The following DLGAP1 variants were observed in gnomAD, a reference collection of about 807,000 sequenced individuals.
The protein encoded by DLGAP1 is DLG associated protein 1, also known as disks large-associated protein 1.
Under a neutral mutation model 90.8 loss-of-function variants are expected in DLGAP1, and 11 were observed. That is an observed-to-expected ratio of 0.12 (90% CI 0.08 to 0.20). The LOEUF is 0.20. Among genes scored for constraint, DLGAP1 ranks in the 10% least tolerant of loss-of-function variants. DLGAP1 has a pLI of 1.00. For synonymous variants in DLGAP1, 558 were observed against 540.7 expected, an observed-to-expected ratio of 1.03 and a Z score of -0.44; for missense variants, 1,050 against 1,333.8, an observed-to-expected ratio of 0.79 and a Z score of 3.31.
intron 12 of DLGAP1, chr18:3,502,119 G>A (rs964257958): frequency 2.9e-6 from 3 of 1,051,496 alleles, no homozygotes; most frequent in Non-Finnish European, 2.3e-6. Flanking sequence ...ACATCCTAGG[G>A]GTGTAAGGAA....
At chr18:4,385,466 T>C (rs185074518) in intron 1 of DLGAP1, among the ~76,000 whole-genome samples, 3 of 150,952 alleles carry the variant, frequency 2.0e-5, no homozygotes, top group Admixed American at 1.3e-4. Flanking sequence ...CACAATACTT[T>C]CATTTTTTTT....
At chr18:3,609,208 C>T (rs1026350136) in intron 7 of DLGAP1, among the ~76,000 whole-genome samples, 1 of 152,074 alleles carries the variant, frequency 6.6e-6, no homozygotes, top group Non-Finnish European at 1.5e-5. Context: ...CACAACCAGC[C>T]AATTTTTAAA....
At chr18:3,764,072 T>G (rs2064101965) in intron 5 of DLGAP1, among the ~76,000 whole-genome samples, 1 of 152,188 alleles carries the variant, frequency 6.6e-6, no homozygotes. Context: ...ATTTACTGAG[T>G]GCGTTACATG....
At chr18:3,817,372 C>T (rs985544198) in intron 4 of DLGAP1, among the ~76,000 whole-genome samples, 1 of 152,120 alleles carries the variant, frequency 6.6e-6, no homozygotes, top group Admixed American at 6.6e-5. Flanking sequence ...ACCTGTGTAT[C>T]TTTCAATTAA....
At chr18:4,067,825 C>A (rs2075391405) in intron 2 of DLGAP1, among the ~76,000 whole-genome samples, 1 of 152,044 alleles carries the variant, frequency 6.6e-6, no homozygotes, top group Non-Finnish European at 1.5e-5. Context: ...GTTGTCCCCC[C>A]TTTCCTGACC....
chr18:3,601,272 G>A (rs1018459615), intron 7 of DLGAP1, among the ~76,000 whole-genome samples: 1 of 151,840 alleles, frequency 6.6e-6, no homozygotes, highest in Non-Finnish European at 1.5e-5. Context: ...TTTTAGTAGA[G>A]ATGGGGTTTC....
intron 7 of DLGAP1, among the ~76,000 whole-genome samples, chr18:3,667,637 A>G (rs1282199408): frequency 2.6e-5 from 4 of 152,146 alleles, no homozygotes; most frequent in Admixed American, 6.5e-5. Context: ...TGCGGTTTCT[A>G]CCTGGCCTCA....
At chr18:4,102,553 C>T (rs1266420635) in intron 2 of DLGAP1, among the ~76,000 whole-genome samples, 1 of 152,236 alleles carries the variant, frequency 6.6e-6, no homozygotes, top group East Asian at 1.9e-4. Flanking sequence ...ATGGAGCAGA[C>T]AAAAGGCAGA....
At chr18:3,695,525 T>C (rs929034869) in intron 7 of DLGAP1, among the ~76,000 whole-genome samples, 3 of 152,186 alleles carry the variant, frequency 2.0e-5, no homozygotes, top group Non-Finnish European at 4.4e-5. Flanking sequence ...ATGTGTGGCA[T>C]TATTTCTGAG....
chr18:4,359,118 C>G (rs1056059264), intron 1 of DLGAP1, among the ~76,000 whole-genome samples: 1 of 152,168 alleles, frequency 6.6e-6, no homozygotes, highest in African/African-American at 2.4e-5. Flanking sequence ...TATTTAGGGA[C>G]TGAATTACAG....
intron 7 of DLGAP1, among the ~76,000 whole-genome samples, chr18:3,587,955 A>AT (rs973604130): frequency 9.8e-5 from 15 of 152,294 alleles, no homozygotes; most frequent in Non-Finnish European, 1.5e-4. Flanking sequence ...ATGATGCTGT[A>AT]TTTTTTATCA....
At chr18:4,422,500 T>C (rs2144689696) in intron 1 of DLGAP1, among the ~76,000 whole-genome samples, 1 of 152,126 alleles carries the variant, frequency 6.6e-6, no homozygotes, top group Admixed American at 6.5e-5. Context: ...TATTTTAAAA[T>C]AACTAAAAAG....
intron 7 of DLGAP1, among the ~76,000 whole-genome samples, chr18:3,640,501 C>A (rs2058897716): frequency 6.6e-6 from 1 of 152,226 alleles, no homozygotes; most frequent in Non-Finnish European, 1.5e-5. Flanking sequence ...GTGATGGAAA[C>A]CAACAAAGCT....
intron 3 of DLGAP1, among the ~76,000 whole-genome samples, chr18:3,945,717 G>A (rs2072863450): frequency 6.6e-6 from 1 of 152,008 alleles, no homozygotes; most frequent in African/African-American, 2.4e-5. Context: ...CACCAGCATG[G>A]CACATGTATA....
rs182027328 is a variant in DLGAP1, at chr18:4,210,251, A to C, written c.-266-58964T>G. Among the ~76,000 whole-genome samples the C allele has an allele frequency of 7.2e-4, 110 of 152,292 alleles. 1 individual carries two copies. Among genetic ancestry groups the C allele is most frequent in the Non-Finnish European group, 1.3e-3 (89 of 68,024 alleles). ...TCACTATCAAATTCACTCCCCTATC[A>C]AGAGTATGGTCATTAAAAGGTGTTG... On this transcript the variant is annotated intron_variant, in intron 1 of 12. Coordinates refer to ENST00000315677, the MANE Select transcript of DLGAP1 (RefSeq NM_004746.4).
chr18:3,984,565 C>G (rs866516059), intron 3 of DLGAP1, among the ~76,000 whole-genome samples: 1 of 152,190 alleles, frequency 6.6e-6, no homozygotes, highest in Non-Finnish European at 1.5e-5. Context: ...GTCACCCAGG[C>G]TGGCGACTCT....
At chr18:3,744,743 A>T (rs2063198013) in intron 5 of DLGAP1, among the ~76,000 whole-genome samples, 1 of 152,038 alleles carries the variant, frequency 6.6e-6, no homozygotes, top group South Asian at 2.1e-4. Flanking sequence ...ATGGGGTTTC[A>T]CCATGTTGGC....
chr18:3,851,896 G>A, intron 4 of DLGAP1, among the ~76,000 whole-genome samples: 1 of 152,114 alleles, frequency 6.6e-6, no homozygotes. Flanking sequence ...GAGGTTACTG[G>A]TACACTGCTG....
intron 7 of DLGAP1, among the ~76,000 whole-genome samples, chr18:3,659,918 C>T (rs1310080546): frequency 6.6e-6 from 1 of 152,128 alleles, no homozygotes; most frequent in African/African-American, 2.4e-5. Context: ...TATTCCGGAC[C>T]CATTAGCCAC....
Sources: allele counts gnomAD v4.1 joint callset (sites outside exome capture counted in the v4.1 genomes callset), GRCh38; gene constraint gnomAD v4.1.1; transcripts MANE v1.5; gene names NCBI Gene and HGNC (gene_info 2026-07-23, HGNC 2026-07-21).